TRANK1: variants seen among roughly 807,000 people sequenced by gnomAD.
The protein encoded by TRANK1 is tetratricopeptide repeat and ankyrin repeat containing 1.
Under a neutral mutation model 266.0 loss-of-function variants are expected in TRANK1, and 198 were observed. The ratio of observed to expected loss-of-function variants is 0.74; its 90% CI spans 0.66 to 0.84. The LOEUF (loss-of-function observed/expected upper bound fraction) is 0.84. Ranked by LOEUF, TRANK1 falls within the 40% of genes least tolerant of loss-of-function variation. The pLI is 0.00. For missense variants in TRANK1, 3,326 were observed against 3,634.6 expected, an observed-to-expected ratio of 0.92 and a Z score of 2.18; for synonymous variants, 1,396 against 1,384.1, an observed-to-expected ratio of 1.01 and a Z score of -0.19.
intron 2 of TRANK1, among the ~76,000 whole-genome samples, chr3:36,904,168 A>G (rs1291765842): frequency 6.7e-6 from 1 of 148,716 alleles, no homozygotes; most frequent in East Asian, 2.1e-4. Flanking sequence ...GTTGGCCAGG[A>G]TGGTCTCGAA....
At chr3:36,866,088 G>GAAAT (rs2079219870) in intron 9 of TRANK1, among the ~76,000 whole-genome samples, 1 of 151,144 alleles carries the variant, frequency 6.6e-6, no homozygotes, top group African/African-American at 2.4e-5. Context: ...AAGAAAGAAA[G>GAAAT]AAAGAAAGAA....
chr3:36,874,041 T>C (rs189306025), intron 9 of TRANK1, 85 bp downstream of exon 9: 3 of 1,246,978 alleles, frequency 2.4e-6, no homozygotes, highest in Non-Finnish European at 2.2e-6. Flanking sequence ...TATATATATA[T>C]ACCAAAAAGA....
intron 18 of TRANK1, among the ~76,000 whole-genome samples, chr3:36,839,237 T>C (rs2078811351): frequency 1.3e-5 from 2 of 152,238 alleles, no homozygotes; most frequent in Non-Finnish European, 2.9e-5. Flanking sequence ...CATGCAGATC[T>C]GTTACCAAAT....
intron 1 of TRANK1, among the ~76,000 whole-genome samples, chr3:36,941,796 A>G (rs2080500003): frequency 6.6e-6 from 1 of 152,156 alleles, no homozygotes; most frequent in Admixed American, 6.5e-5. Flanking sequence ...TCCTGTAAAG[A>G]TTTCTTAACA....
intron 1 of TRANK1, among the ~76,000 whole-genome samples, chr3:36,931,247 C>A (rs1265897094): frequency 2.7e-5 from 4 of 149,322 alleles, no homozygotes; most frequent in East Asian, 1.9e-4. Flanking sequence ...AGCACCCCCC[C>A]AAAAAACAAA....
intron 15 of TRANK1, chr3:36,850,392 T>A: frequency 1.0e-6 from 1 of 985,132 alleles, no homozygotes; most frequent in Non-Finnish European, 1.2e-6. Flanking sequence ...TGGAAAGAGA[T>A]TTAGAACTCA....
intron 9 of TRANK1, among the ~76,000 whole-genome samples, chr3:36,868,014 C>T (rs193229542): frequency 1.4e-4 from 21 of 152,276 alleles, no homozygotes; most frequent in Non-Finnish European, 2.5e-4. Flanking sequence ...TGAGTGAGTG[C>T]GGATGTGTGT....
rs2078742977 is a variant in TRANK1 at position 36,834,651 on chromosome 3, A to G, written c.5663+111T>C. ...GCCATCGCTTAAGTGGAAAGGGAGC[A>G]ATGTGGTCAAACCATGTCAGAAGCA... On this transcript the variant is annotated intron_variant, in intron 21 of 23. Transcript: ENST00000645898. 2.4e-6 allele frequency: 3 copies of G among 1,265,356 alleles called. No individual in the cohort carries two copies. The East Asian group carries it at 7.2e-5, about 30-fold the overall frequency. 78.4% of individuals were successfully genotyped at this position (1,265,356 alleles called of 1,614,324 possible).
intron 4 of TRANK1, among the ~76,000 whole-genome samples, chr3:36,896,384 C>G (rs1483786226): frequency 1.3e-5 from 2 of 152,150 alleles, no homozygotes; most frequent in African/African-American, 2.4e-5. Flanking sequence ...TAACTTGGCA[C>G]CTCTTCCAAG....
At chr3:36,909,227 G>A (rs185554112) in intron 1 of TRANK1, among the ~76,000 whole-genome samples, 17 of 152,306 alleles carry the variant, frequency 1.1e-4, no homozygotes, top group Admixed American at 2.0e-4. Flanking sequence ...TTTTGTAGCC[G>A]TATGGCCTTG....
Position 36,857,904 on chromosome 3 carries a change from G to T in TRANK1, c.1818C>A (p.Arg606=). ...HILFQKGMLK[R]VKKLLDLLVK... is the part of the protein sequence containing the mutation. ...CCAGCAGGTCTAACAGCTTCTTCAC[G>T]CGCTTTAGCATGCCCTTCTGGAAGA... Residue 606 remains arginine, a synonymous_variant, in exon 13 of 24, where the codon CGC becomes CGA. Transcript: ENST00000645898. The surrounding 1 kb of genome is among the most constrained non-coding windows in gnomAD (Gnocchi z 4.3). The T allele has an allele frequency of 6.2e-7, 1 of 1,610,140 alleles. No individual in the cohort carries two copies. The highest frequency in any genetic ancestry group is 8.5e-7 in the Non-Finnish European group (1 of 1,179,860).
chr3:36,935,375 G>A (rs1299841940), intron 1 of TRANK1, among the ~76,000 whole-genome samples: 1 of 151,032 alleles, frequency 6.6e-6, no homozygotes, highest in Admixed American at 6.6e-5. Context: ...TTGGGGCACT[G>A]TGCTGGTCTC....
chr3:36,867,300 A>T (rs138929727), intron 9 of TRANK1, among the ~76,000 whole-genome samples: 3,124 of 152,344 alleles, frequency 0.021, 43 homozygotes, highest in Non-Finnish European at 0.032. Context: ...CAAAAACATC[A>T]TTCTTCCCCC....
At chr3:36,845,352 G>C (rs1174329122) in intron 17 of TRANK1, among the ~76,000 whole-genome samples, 1 of 152,042 alleles carries the variant, frequency 6.6e-6, no homozygotes, top group African/African-American at 2.4e-5. Context: ...AGTTCTTACT[G>C]TCTGAACTCT....
intron 1 of TRANK1, among the ~76,000 whole-genome samples, chr3:36,913,868 T>C (rs999285146): frequency 6.6e-6 from 1 of 151,944 alleles, no homozygotes; most frequent in African/African-American, 2.4e-5. Context: ...TAAAGTGGCC[T>C]GCACTAAACC....
At position 36,831,422 on chromosome 3, in the gene TRANK1, G is replaced by T. The variant is rs746496598; in HGVS notation, c.8161C>A (p.Arg2721=). The T allele has an allele frequency of 6.2e-7, 1 of 1,612,788 alleles. No homozygotes were observed. The highest frequency in any genetic ancestry group is 2.2e-5 in the East Asian group (1 of 44,848). The part of the protein sequence containing the change: ...SQKQRKASIQ[R]KLRRACLVVS... The stretch of plus-strand genomic sequence containing the variant: ...ACCAGGCATGCCCTCCTCAACTTCC[G>T]CTGTATGGAGGCCTTCCGTTGCTTT... Residue 2721 remains arginine (R), a synonymous_variant, in exon 22 of 24, where the codon CGG becomes AGG. Coordinates refer to ENST00000645898, the MANE Select transcript of TRANK1 (RefSeq NM_001329998.2). This position sits in a 1 kb window ranked among gnomAD's most constrained non-coding sequence, Gnocchi z 5.0.
chr3:36,930,795 C>A (rs1194316073), intron 1 of TRANK1, among the ~76,000 whole-genome samples: 3 of 151,954 alleles, frequency 2.0e-5, no homozygotes, highest in African/African-American at 7.3e-5. Context: ...GGGGGACTGA[C>A]TGGAAAGGGG....
Position 36,944,971 on chromosome 3 carries a change from G to T in TRANK1, c.-162C>A. On this transcript the variant is annotated 5_prime_UTR_variant, in exon 1 of 24. Transcript: ENST00000645898. ...GTTCGGGGGCCCCCAGCTGCCTGCGGCTCGGCTACCCAGCCGCGATCAGAG... is the reference window on the plus strand; with the variant it reads ...GTTCGGGGGCCCCCAGCTGCCTGCGTCTCGGCTACCCAGCCGCGATCAGAG... The T allele has an allele frequency of 1.6e-6, 1 of 629,166 alleles. No homozygotes were observed. Among genetic ancestry groups the T allele is most frequent in the Non-Finnish European group, 2.4e-6 (1 of 409,958 alleles). 39.0% of individuals were successfully genotyped at this position (629,166 alleles called of 1,614,324 possible).
rs201004320 is a variant in TRANK1 at position 36,929,883 on chromosome 3, ATTGTTG to A, written c.23+14898_23+14903del. Among the ~76,000 whole-genome samples the A allele has an allele frequency of 7.1e-3, 1,056 of 149,052 alleles. 15 individuals are homozygous for A. The highest frequency in any genetic ancestry group is 0.024 in the African/African-American group (975 of 40,484). ...GACGAGGGCAAGGGAGATGCAGCAG[ATTGTTG>A]TTGTTGTTGTTGTTGTTGTTGTTGT... On this transcript the variant is annotated intron_variant, in intron 1 of 23. Transcript: ENST00000645898.
Sources: allele counts gnomAD v4.1 joint callset (sites outside exome capture counted in the v4.1 genomes callset), GRCh38; gene constraint gnomAD v4.1.1; non-coding constraint Gnocchi (gnomAD v3.1); transcripts MANE v1.5; gene names NCBI Gene and HGNC (gene_info 2026-07-23, HGNC 2026-07-21).